Variants in WDR70 observed in about 807,000 individuals in gnomAD.
The protein encoded by WDR70 is WD repeat domain 70, also known as WD repeat-containing protein 70.
WDR70 carries 53 observed loss-of-function variants against 88.6 expected under a neutral mutation model. That is an observed-to-expected ratio of 0.60 (90% confidence interval 0.48 to 0.75). The LOEUF (loss-of-function observed/expected upper bound fraction) is 0.75. WDR70 is among the 30% of genes least tolerant of loss of function. WDR70 has a pLI of 0.00. For synonymous variants in WDR70, 280 were observed against 270.0 expected (o/e 1.04, Z -0.36); for missense variants, 610 against 823.2 (o/e 0.74, Z 3.17).
In WDR70 at chr5:37,479,854, A is replaced by G. The variant is rs138513979; in HGVS notation, c.707A>G (p.Gln236Arg). Reference sequence around the variant, plus strand: ...TACAGCCATCAGATCAAGTCATTACAGTATAGTAACACAGGAGACATGATT... The same window carrying G: ...TACAGCCATCAGATCAAGTCATTACGGTATAGTAACACAGGAGACATGATT... ...PCECHQIKSLQYSNTGDMILV... is the reference protein window; with the variant it reads ...PCECHQIKSLRYSNTGDMILV... Residue 236 changes from glutamine (Q) to arginine (R), a missense_variant, in exon 8 of 18, where the codon CAG (glutamine) becomes CGG (arginine). Transcript: ENST00000265107. 18 of 1,613,882 alleles carry G rather than the reference A, an allele frequency of 1.1e-5. No individual in the cohort carries two copies. The highest frequency in any genetic ancestry group is 1.4e-5 in the Non-Finnish European group (17 of 1,179,978).
At chr5:37,694,907 G>A (rs1746937417) in intron 10 of WDR70, among the ~76,000 whole-genome samples, 1 of 151,988 alleles carries the variant, frequency 6.6e-6, no homozygotes, top group African/African-American at 2.4e-5. Context: ...AACTCCTTTA[G>A]CAACTCCCTT....
intron 9 of WDR70, among the ~76,000 whole-genome samples, chr5:37,542,987 G>A (rs1202334210): frequency 6.6e-6 from 1 of 152,210 alleles, no homozygotes; most frequent in African/African-American, 2.4e-5. Flanking sequence ...GTGTCCGTTT[G>A]GAGCACAGGC....
Position 37,725,119 on chromosome 5 carries a change from T to G in WDR70, c.1714+69T>G, listed in dbSNP as rs139915097. 1,126 of 1,370,366 alleles carry G rather than the reference T, an allele frequency of 8.2e-4. 15 individuals carry two copies. The East Asian group carries it at 0.024, about 29-fold the overall frequency. 84.9% of individuals were successfully genotyped at this position (1,370,366 alleles called of 1,614,324 possible). On this transcript the variant is annotated intron_variant, in intron 16 of 17. Coordinates refer to ENST00000265107, the MANE Select transcript of WDR70 (RefSeq NM_018034.4). Reference sequence around the variant, plus strand: ...CAGGGTGGGGTAATTGATATAAAATTGGGAAGGTCTTTTGGGCCTGGATGC... The same window carrying G: ...CAGGGTGGGGTAATTGATATAAAATGGGGAAGGTCTTTTGGGCCTGGATGC...
intron 10 of WDR70, among the ~76,000 whole-genome samples, chr5:37,674,219 A>AT (rs1489501149): frequency 6.6e-6 from 1 of 151,518 alleles, no homozygotes; most frequent in Non-Finnish European, 1.5e-5. Context: ...GGTTGAACTA[A>AT]TTTCCATTTT....
chr5:37,407,409 A>C (rs1561840522), intron 5 of WDR70, among the ~76,000 whole-genome samples: 2 of 152,074 alleles, frequency 1.3e-5, no homozygotes, highest in Admixed American at 6.6e-5. Context: ...CTGTGGTCCC[A>C]GTTACTCAGG....
intron 8 of WDR70, among the ~76,000 whole-genome samples, chr5:37,497,599 AG>A (rs1327343912): frequency 1.3e-5 from 2 of 151,670 alleles, no homozygotes; most frequent in African/African-American, 4.8e-5. Context: ...GAGAACTTGG[AG>A]GGAGTACAAT....
intron 7 of WDR70, among the ~76,000 whole-genome samples, chr5:37,472,973 A>G (rs1047746501): frequency 2.0e-5 from 3 of 152,066 alleles, no homozygotes; most frequent in African/African-American, 4.8e-5. Context: ...GTTCTCCAAC[A>G]TATTTTTTTA....
intron 5 of WDR70, among the ~76,000 whole-genome samples, 175 bp from the exon 6 acceptor site, chr5:37,437,747 G>A (rs990103398): frequency 9.2e-5 from 14 of 152,064 alleles, no homozygotes; most frequent in South Asian, 6.2e-4. Flanking sequence ...CCATTGTAGT[G>A]TATCTAGAAG....
At chr5:37,743,409 G>A (rs1361391869) in intron 17 of WDR70, among the ~76,000 whole-genome samples, 1 of 152,182 alleles carries the variant, frequency 6.6e-6, no homozygotes, top group African/African-American at 2.4e-5. Flanking sequence ...TAAGCCTACC[G>A]AATTCCCAGG....
chr5:37,518,148 C>G (rs1217233656), intron 9 of WDR70, among the ~76,000 whole-genome samples: 6 of 151,928 alleles, frequency 3.9e-5, no homozygotes, highest in East Asian at 1.9e-4. Flanking sequence ...CTCCTGAACT[C>G]AGGTGATCCA....
chr5:37,590,914 C>T (rs963964307), intron 9 of WDR70, among the ~76,000 whole-genome samples: 1 of 151,858 alleles, frequency 6.6e-6, no homozygotes, highest in African/African-American at 2.4e-5. Context: ...AAGAATTAAC[C>T]TAGTAGGCAG....
chr5:37,621,569 G>A (rs1744506968), intron 10 of WDR70, among the ~76,000 whole-genome samples: 1 of 151,998 alleles, frequency 6.6e-6, no homozygotes, highest in Non-Finnish European at 1.5e-5. Flanking sequence ...ACTTTTTGTT[G>A]GGGTTGTTTG....
intron 5 of WDR70, among the ~76,000 whole-genome samples, chr5:37,419,795 C>T (rs960581507): frequency 6.6e-5 from 10 of 152,052 alleles, no homozygotes; most frequent in African/African-American, 9.7e-5. Flanking sequence ...GGCGACACAA[C>T]GAGACTCTGT....
At chr5:37,648,252 A>G (rs1024430767) in intron 10 of WDR70, among the ~76,000 whole-genome samples, 8 of 152,206 alleles carry the variant, frequency 5.3e-5, no homozygotes, top group Admixed American at 2.0e-4. Flanking sequence ...GGATGCTTCA[A>G]GATAGCCTCT....
chr5:37,530,452 A>AT (rs1478380184), intron 9 of WDR70, among the ~76,000 whole-genome samples: 6 of 151,374 alleles, frequency 4.0e-5, no homozygotes, highest in African/African-American at 7.3e-5. Context: ...TTCGTTGGCA[A>AT]TTTTTTTTAT....
chr5:37,605,308 A>G, intron 10 of WDR70, 70 bp downstream of exon 10: 9 of 1,476,722 alleles, frequency 6.1e-6, no homozygotes, highest in Non-Finnish European at 8.2e-6. Flanking sequence ...CCTTACAAAG[A>G]CAAACGTGTT....
intron 13 of WDR70, among the ~76,000 whole-genome samples, chr5:37,707,926 A>T (rs1581515941): frequency 5.4e-5 from 1 of 18,654 alleles, no homozygotes; most frequent in Admixed American, 7.7e-4. Flanking sequence ...AAAAAGAAAA[A>T]AAAAAAAAAA....
chr5:37,751,103 C>T (rs1042264106), intron 17 of WDR70, among the ~76,000 whole-genome samples: 4 of 152,154 alleles, frequency 2.6e-5, no homozygotes, highest in Non-Finnish European at 5.9e-5. Context: ...ATATCTAATT[C>T]AAAGGATTTT....
At chr5:37,613,716 A>C (rs1388036714) in intron 10 of WDR70, among the ~76,000 whole-genome samples, 3 of 152,262 alleles carry the variant, frequency 2.0e-5, no homozygotes, top group African/African-American at 7.2e-5. Context: ...CTAAGTACTT[A>C]CTGTGAGCCA....
Sources: allele counts gnomAD v4.1 joint callset (sites outside exome capture counted in the v4.1 genomes callset), GRCh38; gene constraint gnomAD v4.1.1; transcripts MANE v1.5; gene names NCBI Gene and HGNC (gene_info 2026-07-23, HGNC 2026-07-21).